The following IL17RC variants were observed in gnomAD, a reference collection of about 807,000 sequenced individuals.
IL17RC encodes interleukin-17 receptor C.
IL17RC carries 53 observed loss-of-function variants against 86.7 expected under a neutral mutation model. The ratio of observed to expected loss-of-function variants is 0.61; its 90% CI spans 0.49 to 0.77. The LOEUF (loss-of-function observed/expected upper bound fraction) is 0.77. Ranked by LOEUF, IL17RC falls within the 30% of genes least tolerant of loss-of-function variation. The pLI, the probability that IL17RC is intolerant of heterozygous loss-of-function variation, is 0.00. For synonymous variants in IL17RC, 439 were observed against 413.1 expected, an observed-to-expected ratio of 1.06 and a Z score of -0.76; for missense variants, 957 against 940.0, an observed-to-expected ratio of 1.02 and a Z score of -0.24.
rs1200179885 is a variant in IL17RC, at chr3:9,933,476, G to A, written c.2046G>A (p.Glu682=). The A allele has an allele frequency of 1.2e-6, 2 of 1,612,412 alleles. No homozygotes were observed. The highest frequency in any genetic ancestry group is 1.3e-5 in the African/African-American group (1 of 74,932). The change falls in exon 19 of 19, where the codon GAG becomes GAA. Residue 682 remains glutamate, a synonymous_variant. Transcript: ENST00000403601. ...CCGGGCGGCTCCAAGAGAGAGCGGA[G>A]CAAGTGTCCCGGGCCCTTCAGCCAG... The part of the protein sequence containing the change: ...PRSGRLQERA[E]QVSRALQPAL...
intron 12 of IL17RC, 82 bp downstream of exon 12, chr3:9,928,712 G>A (rs199956713): frequency 3.0e-5 from 43 of 1,441,694 alleles, no homozygotes; most frequent in African/African-American, 9.9e-5. Context: ...TTCTTGGGCC[G>A]CTAAAGCATA....
chr3:9,926,287 C>T lies in IL17RC; in HGVS notation c.823-1879C>T, dbSNP rs915640127. ...GACCTCGTGATCCACCCGCCTCGGC[C>T]GCCCAAAGTGCTGGGATTACAGGCG... On this transcript the variant is annotated intron_variant, in intron 9 of 18. Coordinates refer to ENST00000403601, the MANE Select transcript of IL17RC (RefSeq NM_153460.4). Among the ~76,000 whole-genome samples, 25 of 152,226 alleles carry T rather than the reference C, an allele frequency of 1.6e-4. 1 individual carries two copies. Among genetic ancestry groups the T allele is most frequent in the African/African-American group, 4.3e-4 (18 of 41,516 alleles).
intron 9 of IL17RC, among the ~76,000 whole-genome samples, chr3:9,925,615 A>G (rs542214921): frequency 6.6e-6 from 1 of 151,788 alleles, no homozygotes. Context: ...TCTGCCCCCA[A>G]CGGTGCCTTT....
At chr3:9,922,157 T>C (rs1454745478) in intron 7 of IL17RC, among the ~76,000 whole-genome samples, 1 of 151,856 alleles carries the variant, frequency 6.6e-6, no homozygotes, top group East Asian at 1.9e-4. Flanking sequence ...TTCACCATGC[T>C]GGCCAGGCTG....
At chr3:9,931,433 C>T (rs1299120884) in intron 16 of IL17RC, among the ~76,000 whole-genome samples, 2 of 139,646 alleles carry the variant, frequency 1.4e-5, no homozygotes, top group Admixed American at 7.0e-5. Flanking sequence ...GCAGGAGCTA[C>T]GATCAAATTT....
intron 16 of IL17RC, among the ~76,000 whole-genome samples, chr3:9,931,752 G>C (rs562313810): frequency 6.6e-6 from 1 of 151,454 alleles, no homozygotes; most frequent in Non-Finnish European, 1.5e-5. Flanking sequence ...TGATCCGCCC[G>C]CGTCGGCCTC....
rs1468716175 is a variant in IL17RC at position 9,918,578 on chromosome 3, C to T, written c.434C>T (p.Pro145Leu). 6.2e-7 allele frequency: 1 copy of T among 1,614,034 alleles called. No individual in the cohort carries two copies. ...TGCGTCCTGCTGGAGGTGCAAGTGCCTGCTGCCCTTGTGCAGTTTGGTCAG... is the reference window on the plus strand; with the variant it reads ...TGCGTCCTGCTGGAGGTGCAAGTGCTTGCTGCCCTTGTGCAGTTTGGTCAG... ...ARCVLLEVQV[P>L]AALVQFGQSV... is the part of the protein sequence containing the mutation. Residue 145 changes from proline to leucine, a missense_variant, in exon 5 of 19, where the codon CCT becomes CTT. By Grantham distance (98) the Pro-to-Leu change is moderately conservative (BLOSUM62 -3). Transcript: ENST00000403601.
Position 9,917,931 on chromosome 3 carries a change from A to G in IL17RC, c.136A>G (p.Ile46Val). ...CGCTCCTCCACACACAGACAGTGAC[A>G]TACTCTGCCTGCCTGGGGACATCGT... ...GLSCRLWDSD[I>V]LCLPGDIVPA... Residue 46 changes from isoleucine to valine, a missense_variant, in exon 3 of 19, where the codon ATA becomes GTA. By Grantham distance (29) the Ile-to-Val change is conservative. Transcript: ENST00000403601. 2 of 1,613,360 alleles carry G rather than the reference A, an allele frequency of 1.2e-6. No homozygotes were observed. The highest frequency in any genetic ancestry group is 1.7e-6 in the Non-Finnish European group (2 of 1,180,030).
At chr3:9,927,134 T>C (rs2084160624) in intron 9 of IL17RC, among the ~76,000 whole-genome samples, 1 of 152,234 alleles carries the variant, frequency 6.6e-6, no homozygotes, top group South Asian at 2.1e-4. Context: ...CTCTAGTGCT[T>C]AGCATAGAGC....
chr3:9,933,580 G>A lies in IL17RC; in HGVS notation c.2150G>A (p.Gly717Glu). 6.3e-7 allele frequency: 1 copy of A among 1,597,832 alleles called. No homozygotes were observed. The highest frequency in any genetic ancestry group is 8.5e-7 in the Non-Finnish European group (1 of 1,173,722). The change falls in exon 19 of 19, where the codon GGG (glycine) becomes GAG (glutamate). Residue 717 changes from glycine (G) to glutamate (E), a missense_variant. Coordinates refer to ENST00000403601, the MANE Select transcript of IL17RC (RefSeq NM_153460.4). ...GGACCAGGCGCGGGACCTGGGGCGGGGGACGGGACTTAAATAAAGGCAGAC... is the reference window on the plus strand; with the variant it reads ...GGACCAGGCGCGGGACCTGGGGCGGAGGACGGGACTTAAATAAAGGCAGAC... ...GVGPGAGPGA[G>E]DGT
In IL17RC at chr3:9,928,370, C is replaced by T; in HGVS notation, c.943C>T (p.Leu315=). ...RLQLLTLQSW[L]LDAPCSLPAE... is the part of the protein sequence containing the mutation. ...GCAACTGCTGACCCTGCAGAGCTGG[C>T]TGCTGGACGCACCGTGCTCGCTGCC... is the stretch of plus-strand genomic sequence containing the variant. The change falls in exon 11 of 19, where the codon CTG becomes TTG. Residue 315 remains leucine, a synonymous_variant. Coordinates refer to ENST00000403601, the MANE Select transcript of IL17RC (RefSeq NM_153460.4). 2 of 1,605,554 alleles carry T rather than the reference C, an allele frequency of 1.2e-6. No individual in the cohort carries two copies. The highest frequency in any genetic ancestry group is 1.7e-6 in the Non-Finnish European group (2 of 1,175,030).
In IL17RC at chr3:9,917,265, G is replaced by GC. The variant is rs750249210; in HGVS notation, c.-51_-50insC. ...CTGACTGGGGTGTCTGCCCCCCTTG[G>GC]GGGGGGGCAGCACAGGGCCTCAGGC... On this transcript the variant is annotated 5_prime_UTR_variant, in exon 1 of 19. Transcript: ENST00000403601. 6.2e-6 allele frequency: 9 copies of GC among 1,457,752 alleles called. No homozygotes were observed. The highest frequency in any genetic ancestry group is 1.4e-5 in the African/African-American group (1 of 70,038). 90.3% of individuals were successfully genotyped at this position (1,457,752 alleles called of 1,614,324 possible).
At position 9,923,762 on chromosome 3, in the gene IL17RC, C is replaced by T. The variant is rs369729433; in HGVS notation, c.623-119C>T. 1.5e-3 allele frequency: 1,608 copies of T among 1,104,068 alleles called. 31 individuals carry two copies. The South Asian group carries it at 0.02, about 14-fold the overall frequency. 68.4% of individuals were successfully genotyped at this position (1,104,068 alleles called of 1,614,324 possible). A position where few individuals can be genotyped will look rare whatever the true frequency, so the allele number is the denominator to read the frequency against. ...AAGTCTGGTCTGAAATGATGACACA[C>T]GCTCTGCCCTCCGAGAGCCTCCCAG... On this transcript the variant is annotated intron_variant, in intron 7 of 18. Coordinates refer to ENST00000403601, the MANE Select transcript of IL17RC (RefSeq NM_153460.4).
rs560353565 is a variant in IL17RC at position 9,928,040 on chromosome 3, A to G, written c.823-126A>G. On this transcript the variant is annotated intron_variant, in intron 9 of 18. Transcript: ENST00000403601. ...AGATGTGAGCACCTCCAGGTTTTGT[A>G]AAAGGCAGGAAGACCCAGCAAGTGT... The G allele has an allele frequency of 1.1e-5, 10 of 871,396 alleles. No individual in the cohort carries two copies. The East Asian group carries it at 2.0e-4, about 17-fold the overall frequency. The allele number at this position is 871,396 out of a possible 1,614,324, so 54.0% of individuals were successfully genotyped here.
At chr3:9,928,757 C>G (rs118119334) in intron 12 of IL17RC, 127 bp downstream of exon 12, 9 of 971,720 alleles carry the variant, frequency 9.3e-6, no homozygotes, top group African/African-American at 1.6e-5. Flanking sequence ...AGTTCCACTG[C>G]CTACTTTAGT....
At chr3:9,932,757 G>A (rs2084877933) in intron 17 of IL17RC, 54 bp downstream of exon 17, 1 of 1,603,576 alleles carries the variant, frequency 6.2e-7, no homozygotes, top group African/African-American at 1.3e-5. Flanking sequence ...GTGGCTGTGG[G>A]AGTTCTCCGA....
Position 9,921,480 on chromosome 3 carries a change from A to ACAAAG in IL17RC, c.622+511_622+512insCAAAG, listed in dbSNP as rs1553580624. The stretch of plus-strand genomic sequence containing the variant: ...AAAAAACAAAACAAAACAAAACAAA[A>ACAAAG]ACAAAAAACTTGAAATAAAAGCTAA... On this transcript the variant is annotated intron_variant, in intron 7 of 18. Coordinates refer to ENST00000403601, the MANE Select transcript of IL17RC (RefSeq NM_153460.4). 1.1e-4 allele frequency among the ~76,000 whole-genome samples: 16 copies of ACAAAG among 151,726 alleles called. 1 individual carries two copies. The East Asian group carries it at 3.1e-3, about 29-fold the overall frequency.
chr3:9,931,470 C>CATATAT (rs1553593529), intron 16 of IL17RC, among the ~76,000 whole-genome samples: 119 of 43,652 alleles, frequency 2.7e-3, no homozygotes, highest in South Asian at 0.011. Flanking sequence ...CACACACACA[C>CATATAT]ATATATATAT....
Position 9,928,237 on chromosome 3 carries a change from G to A in IL17RC, c.877+17G>A. 1.3e-6 allele frequency: 2 copies of A among 1,575,306 alleles called. No homozygotes were observed. The stretch of plus-strand genomic sequence containing the variant: ...TCAGGGAGGGTGAGCCGACCGGCCT[G>A]GGGCTGGGGTTGGGGTGTTGCGAGC... On this transcript the variant is annotated intron_variant, in intron 10 of 18. Coordinates refer to ENST00000403601, the MANE Select transcript of IL17RC (RefSeq NM_153460.4).
Sources: gnomAD v4.1 joint callset for allele counts (sites outside exome capture counted in the v4.1 genomes callset) on GRCh38, gnomAD v4.1.1 for gene constraint, MANE v1.5 for transcripts, NCBI Gene and HGNC (gene_info 2026-07-23, HGNC 2026-07-21) for gene names.